PDE1A: variants seen among roughly 807,000 people sequenced by gnomAD.
PDE1A encodes dual specificity calcium/calmodulin-dependent 3',5'-cyclic nucleotide phosphodiesterase 1A.
In PDE1A, 35 loss-of-function variants were observed where a neutral mutation model predicts 61.7. The observed-to-expected ratio is 0.57, with a 90% CI of 0.43 to 0.75. The LOEUF (loss-of-function observed/expected upper bound fraction) is 0.75. PDE1A is among the 30% of genes least tolerant of loss of function. The pLI is 0.00. For missense variants in PDE1A, 597 were observed against 630.6 expected (o/e 0.95, Z 0.57); for synonymous variants, 232 against 213.2 (o/e 1.09, Z -0.77).
intron 1 of PDE1A, among the ~76,000 whole-genome samples, chr2:182,333,659 A>C (rs974713383): frequency 6.6e-6 from 1 of 152,160 alleles, no homozygotes; most frequent in African/African-American, 2.4e-5. Context: ...CTAACATCAC[A>C]ATTAAAAGAA....
intron 1 of PDE1A, among the ~76,000 whole-genome samples, chr2:182,291,549 T>C (rs891673399): frequency 3.3e-5 from 5 of 152,190 alleles, no homozygotes; most frequent in Admixed American, 6.5e-5. Context: ...TATTTATCTC[T>C]GTGGTTAGGG....
At chr2:182,204,159 T>G (rs762965691) in intron 8 of PDE1A, among the ~76,000 whole-genome samples, 1 of 152,142 alleles carries the variant, frequency 6.6e-6, no homozygotes, top group Non-Finnish European at 1.5e-5. Flanking sequence ...TTATAAAAAT[T>G]ATCTATGGGA....
chr2:182,447,481 A>C (rs924804689), intron 2 of PDE1A, among the ~76,000 whole-genome samples: 6 of 152,092 alleles, frequency 3.9e-5, no homozygotes, highest in Admixed American at 1.3e-4. Flanking sequence ...ACAAGTAAAG[A>C]GGAATAGAAG....
chr2:182,313,719 T>G (rs563281054), intron 1 of PDE1A, among the ~76,000 whole-genome samples: 1 of 151,994 alleles, frequency 6.6e-6, no homozygotes, highest in African/African-American at 2.4e-5. Flanking sequence ...CTTTAATTTA[T>G]CAATTTATTT....
intron 2 of PDE1A, among the ~76,000 whole-genome samples, chr2:182,490,482 G>A (rs1487993623): frequency 6.6e-6 from 1 of 152,136 alleles, no homozygotes; most frequent in Non-Finnish European, 1.5e-5. Context: ...CCATTCTCCT[G>A]CCTCAGCCTC....
chr2:182,154,148 G>A (rs1481410580), intron 13 of PDE1A, among the ~76,000 whole-genome samples: 1 of 151,964 alleles, frequency 6.6e-6, no homozygotes. Context: ...TTGTAAAGCT[G>A]GATTAAGAAA....
At position 182,169,891 on chromosome 2, in the gene PDE1A, G is replaced by GACACAC. The variant is rs748862736; in HGVS notation, c.1517-1607_1517-1602dup. The stretch of plus-strand genomic sequence containing the variant: ...GTCCATGCAAATACAGTGGACAGGA[G>GACACAC]ACACACACACACACACACACACACA... On this transcript the variant is annotated intron_variant, in intron 13 of 13. Coordinates refer to ENST00000351439, the Ensembl canonical transcript of PDE1A. Among the ~76,000 whole-genome samples, 242 of 140,136 alleles carry GACACAC rather than the reference G, an allele frequency of 1.7e-3. 3 individuals are homozygous for GACACAC. The highest frequency in any genetic ancestry group is 9.3e-3 in the South Asian group (41 of 4,414). The allele number at this position is 140,136 out of a possible 152,430, so 91.9% of individuals were successfully genotyped here. A position where few individuals can be genotyped will look rare whatever the true frequency, so the allele number is the denominator to read the frequency against.
At chr2:182,145,036 C>G (rs1690421834), downstream of PDE1A, among the ~76,000 whole-genome samples, 1 of 152,144 alleles carries the variant, frequency 6.6e-6, no homozygotes, top group Non-Finnish European at 1.5e-5. Context: ...CAATCGTCAC[C>G]CCTCCTGTTG....
intron 1 of PDE1A, among the ~76,000 whole-genome samples, chr2:182,393,043 T>C (rs906574298): frequency 4.6e-5 from 7 of 152,232 alleles, no homozygotes; most frequent in African/African-American, 1.4e-4. Flanking sequence ...AGTGCCCCAG[T>C]AGGATTCTGT....
At chr2:182,470,856 T>A (rs1447115508) in intron 2 of PDE1A, among the ~76,000 whole-genome samples, 1 of 151,784 alleles carries the variant, frequency 6.6e-6, no homozygotes, top group Non-Finnish European at 1.5e-5. Flanking sequence ...CTCAATCCAG[T>A]GGGAGATGAC....
At chr2:182,220,564 A>G (rs752580489) in intron 7 of PDE1A, among the ~76,000 whole-genome samples, 1 of 152,112 alleles carries the variant, frequency 6.6e-6, no homozygotes, top group African/African-American at 2.4e-5. Context: ...GACTGCTAAG[A>G]AAAGAACAGA....
the PDE1A span, among the ~76,000 whole-genome samples, chr2:182,580,068 T>G: frequency 6.6e-6 from 1 of 152,196 alleles, no homozygotes; most frequent in African/African-American, 2.4e-5. Flanking sequence ...ATAACTAAAA[T>G]AAACACACAA....
intron 1 of PDE1A, among the ~76,000 whole-genome samples, chr2:182,378,139 C>T (rs1425763604): frequency 6.6e-6 from 1 of 152,200 alleles, no homozygotes; most frequent in Non-Finnish European, 1.5e-5. Context: ...AGCCACCGTG[C>T]CCGGCCCAGA....
At chr2:182,556,167 C>T in the PDE1A span, among the ~76,000 whole-genome samples, 31 of 151,968 alleles carry the variant, frequency 2.0e-4, no homozygotes, top group Middle Eastern at 6.8e-3. Context: ...TCAGAACTGA[C>T]CATATTGAAA....
chr2:182,367,664 T>C (rs1003614185), intron 1 of PDE1A, among the ~76,000 whole-genome samples: 2 of 152,016 alleles, frequency 1.3e-5, no homozygotes, highest in Non-Finnish European at 2.9e-5. Flanking sequence ...ACAAGTAGGG[T>C]TTATAGATTA....
chr2:182,167,909 A>C, exon 14 of PDE1A: 1 of 1,086,138 alleles, frequency 9.2e-7, no homozygotes, highest in Non-Finnish European at 1.1e-6. Context: ...ACCAAGCTTT[A>C]TTGTAGAAAT....
chr2:182,413,668 T>C (rs927872374), intron 1 of PDE1A, among the ~76,000 whole-genome samples: 1 of 152,208 alleles, frequency 6.6e-6, no homozygotes, highest in African/African-American at 2.4e-5. Flanking sequence ...TTCATATGTT[T>C]ATAGATATTT....
At chr2:182,681,791 G>A in the PDE1A span, among the ~76,000 whole-genome samples, 70 of 151,982 alleles carry the variant, frequency 4.6e-4, no homozygotes, top group African/African-American at 1.4e-3. Context: ...GACTACAGGC[G>A]CCCGCCACCT....
the PDE1A span, among the ~76,000 whole-genome samples, chr2:182,676,557 A>T: frequency 6.6e-6 from 1 of 152,128 alleles, no homozygotes; most frequent in African/African-American, 2.4e-5. Flanking sequence ...CTCCTCCCCA[A>T]CTCACTGGGA....
Sources: allele counts gnomAD v4.1 joint callset (sites outside exome capture counted in the v4.1 genomes callset), GRCh38; gene constraint gnomAD v4.1.1; transcripts MANE v1.5; gene names NCBI Gene and HGNC (gene_info 2026-07-23, HGNC 2026-07-21).